TCF4: variants seen among roughly 807,000 people sequenced by gnomAD.
TCF4 encodes transcription factor 4.
TCF4 carries 3 observed loss-of-function variants against 82.1 expected under a neutral mutation model. That is an observed-to-expected ratio of 0.04 (90% CI 0.02 to 0.09). The LOEUF (loss-of-function observed/expected upper bound fraction) is 0.09. TCF4 is among the 10% of genes least tolerant of loss of function. The pLI is 1.00. For synonymous variants in TCF4, 276 were observed against 309.6 expected, an observed-to-expected ratio of 0.89 and a Z score of 1.14; for missense variants, 518 against 852.7, an observed-to-expected ratio of 0.61 and a Z score of 4.89.
chr18:55,396,277 A>G (rs1003377388), intron 6 of TCF4, among the ~76,000 whole-genome samples: 6 of 152,232 alleles, frequency 3.9e-5, no homozygotes, highest in South Asian at 2.1e-4. Context: ...TACTTGCTTT[A>G]CTTCTCTGAG....
At chr18:55,300,350 T>A (rs548975575) in intron 8 of TCF4, among the ~76,000 whole-genome samples, 17 of 145,484 alleles carry the variant, frequency 1.2e-4, no homozygotes, top group Admixed American at 9.9e-4. Context: ...TAATTGAAGG[T>A]CCTTAATGTG....
At chr18:55,378,391 G>A (rs543058354) in intron 6 of TCF4, among the ~76,000 whole-genome samples, 1 of 152,252 alleles carries the variant, frequency 6.6e-6, no homozygotes, top group South Asian at 2.1e-4. Context: ...AAAATCATAT[G>A]AAATATGTGC....
In TCF4 at chr18:55,300,831, G is replaced by GT. The variant is rs1237812210; in HGVS notation, c.550-21176dup. ...GCACAGTGCACCATGAAAAACAAGT[G>GT]TATGTGGCTCCAGTAACCACCTGTA... On this transcript the variant is annotated intron_variant, in intron 8 of 19. Coordinates refer to ENST00000354452, the MANE Select transcript of TCF4 (RefSeq NM_001083962.2). Among the ~76,000 whole-genome samples, 4 of 152,156 alleles carry GT rather than the reference G, an allele frequency of 2.6e-5. No individual in the cohort carries two copies. The East Asian group carries it at 7.7e-4, about 29-fold the overall frequency.
At chr18:55,570,125 C>T (rs533276744) in intron 3 of TCF4, among the ~76,000 whole-genome samples, 1 of 152,246 alleles carries the variant, frequency 6.6e-6, no homozygotes, top group East Asian at 1.9e-4. Flanking sequence ...AAAAATATCA[C>T]AGAAATAGTA....
intron 6 of TCF4, among the ~76,000 whole-genome samples, chr18:55,377,820 G>T (rs58240695): frequency 6.6e-6 from 1 of 152,162 alleles, no homozygotes; most frequent in Admixed American, 6.5e-5. Context: ...TGTTGAACTT[G>T]TATTACTTTG....
chr18:55,613,609 C>G (rs974027148), intron 2 of TCF4, among the ~76,000 whole-genome samples: 5 of 152,052 alleles, frequency 3.3e-5, no homozygotes, highest in African/African-American at 1.2e-4. Flanking sequence ...AAGAAACTTA[C>G]AGTTATGGCA....
intron 3 of TCF4, among the ~76,000 whole-genome samples, chr18:55,580,890 A>G (rs2097569585): frequency 6.6e-6 from 1 of 152,060 alleles, no homozygotes; most frequent in East Asian, 1.9e-4. Context: ...TCAGCTATGA[A>G]TACAGGATAG....
intron 14 of TCF4, 63 bp downstream of exon 14, chr18:55,257,252 G>T: frequency 6.6e-7 from 1 of 1,518,572 alleles, no homozygotes; most frequent in Non-Finnish European, 9.1e-7. Flanking sequence ...GAGTAAAGGA[G>T]ACTGAACAAG....
intron 6 of TCF4, among the ~76,000 whole-genome samples, chr18:55,400,319 T>C (rs1313317053): frequency 1.3e-5 from 2 of 152,202 alleles, no homozygotes; most frequent in African/African-American, 2.4e-5. Context: ...AAAAGGAGTA[T>C]GAGGTTACCA....
chr18:55,497,215 G>A (rs1190051641), intron 3 of TCF4, among the ~76,000 whole-genome samples: 1 of 152,114 alleles, frequency 6.6e-6, no homozygotes, highest in African/African-American at 2.4e-5. Context: ...TTTTGTTTGT[G>A]TACCTAGTTT....
At chr18:55,229,479 T>A (rs1341420553) in intron 17 of TCF4, 1 of 203,022 alleles carries the variant, frequency 4.9e-6, no homozygotes, top group Non-Finnish European at 1.0e-5. Context: ...ACTTTATGTT[T>A]ATACTTTATT....
Position 55,587,148 on chromosome 18 carries a change from G to T in TCF4, c.-20-12C>A. 7.2e-7 allele frequency: 1 copy of T among 1,398,168 alleles called. No individual in the cohort carries two copies. The allele number at this position is 1,398,168 out of a possible 1,614,324, so 86.6% of individuals were successfully genotyped here. On this transcript the variant is annotated splice_polypyrimidine_tract_variant and intron_variant, in intron 1 of 19. Transcript: ENST00000354452. Reference sequence around the variant, plus strand: ...AAAATCACACAAACCTAGAAACATGGAAATAACCGCAATCAGAAAATCCAG... The same window carrying T: ...AAAATCACACAAACCTAGAAACATGTAAATAACCGCAATCAGAAAATCCAG...
At chr18:55,491,920 C>T (rs1490919785) in intron 3 of TCF4, among the ~76,000 whole-genome samples, 1 of 152,114 alleles carries the variant, frequency 6.6e-6, no homozygotes, top group Admixed American at 6.6e-5. Context: ...GAGGGCAGTG[C>T]ATTTAATCAA....
rs183726566 is a variant in TCF4, at chr18:55,237,694, T to C, written c.1351-3011A>G. Reference sequence around the variant, plus strand: ...TATTCCAGGTCATGTGAATGCCCTCTGATAGGTCCAGAGCCATGTAATAAT... The same window carrying C: ...TATTCCAGGTCATGTGAATGCCCTCCGATAGGTCCAGAGCCATGTAATAAT... On this transcript the variant is annotated intron_variant, in intron 15 of 19. Transcript: ENST00000354452. Among the ~76,000 whole-genome samples, 6 of 152,246 alleles carry C rather than the reference T, an allele frequency of 3.9e-5. No individual in the cohort carries two copies. The East Asian group carries it at 9.7e-4, about 25-fold the overall frequency.
chr18:55,544,195 T>G (rs1335213865), intron 3 of TCF4, among the ~76,000 whole-genome samples: 3 of 152,230 alleles, frequency 2.0e-5, no homozygotes, highest in Non-Finnish European at 2.9e-5. Flanking sequence ...GGATTAGCCT[T>G]GAGTAAGTAA....
intron 2 of TCF4, among the ~76,000 whole-genome samples, chr18:55,625,280 C>T (rs2097725427): frequency 6.6e-6 from 1 of 151,172 alleles, no homozygotes; most frequent in Admixed American, 6.6e-5. Context: ...GCTTTGTCGC[C>T]CAGGCTGGAG....
intron 5 of TCF4, among the ~76,000 whole-genome samples, chr18:55,439,634 T>C (rs1045945630): frequency 6.6e-6 from 1 of 152,310 alleles, no homozygotes; most frequent in Non-Finnish European, 1.5e-5. Flanking sequence ...ATAAGCACAG[T>C]AAACATTCAA....
At chr18:55,504,343 A>G (rs987318752) in intron 3 of TCF4, among the ~76,000 whole-genome samples, 1 of 152,232 alleles carries the variant, frequency 6.6e-6, no homozygotes, top group African/African-American at 2.4e-5. Context: ...CAGTTACATG[A>G]AGATGAAAAC....
intron 5 of TCF4, among the ~76,000 whole-genome samples, chr18:55,447,054 T>G (rs2095539399): frequency 6.6e-6 from 1 of 150,660 alleles, no homozygotes; most frequent in Admixed American, 6.6e-5. Flanking sequence ...CTCACACTTG[T>G]AATCTTTGGG....
Sources: allele counts gnomAD v4.1 joint callset (sites outside exome capture counted in the v4.1 genomes callset), GRCh38; gene constraint gnomAD v4.1.1; transcripts MANE v1.5; gene names NCBI Gene and HGNC (gene_info 2026-07-23, HGNC 2026-07-21).